The following ANKRD44 variants were observed in gnomAD, a reference collection of about 807,000 sequenced individuals.
ANKRD44 encodes ankyrin repeat domain 44.
Under a neutral mutation model 116.0 loss-of-function variants are expected in ANKRD44, and 35 were observed. The ratio of observed to expected loss-of-function variants is 0.30; its 90% CI spans 0.23 to 0.40. ANKRD44 has a LOEUF of 0.40. Among genes scored for constraint, ANKRD44 ranks in the 10% least tolerant of loss-of-function variants. The pLI is 1.00. For synonymous variants in ANKRD44, 435 were observed against 461.8 expected, an observed-to-expected ratio of 0.94 and a Z score of 0.74; for missense variants, 1,014 against 1,242.6, an observed-to-expected ratio of 0.82 and a Z score of 2.77.
Position 197,258,953 on chromosome 2 carries a change from T to G in ANKRD44, c.27+51625A>C, listed in dbSNP as rs2082527428. 2.0e-5 allele frequency among the ~76,000 whole-genome samples: 3 copies of G among 152,330 alleles called. No individual in the cohort carries two copies. The South Asian group carries it at 6.2e-4, about 32-fold the overall frequency. On this transcript the variant is annotated intron_variant, in intron 1 of 27. Transcript: ENST00000282272. ...TTGCTCTGAGTAGATATTCATGAAG[T>G]GCTCTGGGAGTTCTGAAGAACTTCC...
intron 16 of ANKRD44, among the ~76,000 whole-genome samples, chr2:197,041,662 C>T (rs545527492): frequency 6.6e-6 from 1 of 151,996 alleles, no homozygotes; most frequent in Non-Finnish European, 1.5e-5. Flanking sequence ...CTTTTTCTGG[C>T]CTCCTTCCTG....
intron 18 of ANKRD44, among the ~76,000 whole-genome samples, chr2:197,012,001 T>C (rs1237947677): frequency 6.6e-6 from 1 of 152,238 alleles, no homozygotes; most frequent in Non-Finnish European, 1.5e-5. Context: ...TCCAACTATC[T>C]GTGCCAAAAC....
intron 22 of ANKRD44, among the ~76,000 whole-genome samples, chr2:197,001,507 C>T (rs1193149011): frequency 1.3e-5 from 2 of 152,210 alleles, no homozygotes; most frequent in African/African-American, 2.4e-5. Flanking sequence ...ATGCACCTCT[C>T]ACTCTACCCC....
chr2:197,294,256 A>C (rs1036595169), intron 1 of ANKRD44, among the ~76,000 whole-genome samples: 10 of 152,230 alleles, frequency 6.6e-5, no homozygotes, highest in African/African-American at 2.2e-4. Context: ...AAGTTTCTTT[A>C]GTCTTAATTC....
chr2:197,052,285 A>G (rs753479215), intron 16 of ANKRD44, among the ~76,000 whole-genome samples: 1 of 152,238 alleles, frequency 6.6e-6, no homozygotes, highest in Non-Finnish European at 1.5e-5. Flanking sequence ...TAACCAAACC[A>G]TCTAAATAAC....
intron 1 of ANKRD44, among the ~76,000 whole-genome samples, chr2:197,258,966 C>T (rs2082527613): frequency 6.6e-6 from 1 of 152,146 alleles, no homozygotes; most frequent in Admixed American, 6.5e-5. Flanking sequence ...TCTGGGAGTT[C>T]TGAAGAACTT....
intron 17 of ANKRD44, among the ~76,000 whole-genome samples, chr2:197,020,954 C>A (rs983877785): frequency 6.6e-6 from 1 of 152,090 alleles, no homozygotes; most frequent in Non-Finnish European, 1.5e-5. Context: ...CTCCCTCCCC[C>A]CATCCCACGA....
At chr2:197,292,735 T>A (rs775648187) in intron 1 of ANKRD44, among the ~76,000 whole-genome samples, 6 of 152,148 alleles carry the variant, frequency 3.9e-5, no homozygotes, top group Non-Finnish European at 7.3e-5. Flanking sequence ...AGCATGGCCA[T>A]CCTCTCAGTC....
At chr2:197,001,522 C>T (rs889447465) in intron 22 of ANKRD44, among the ~76,000 whole-genome samples, 7 of 152,194 alleles carry the variant, frequency 4.6e-5, no homozygotes, top group Non-Finnish European at 5.9e-5. Context: ...TACCCCTTCA[C>T]GAGATTTCCC....
intron 1 of ANKRD44, among the ~76,000 whole-genome samples, chr2:197,223,249 C>A (rs1464398878): frequency 6.6e-6 from 1 of 152,204 alleles, no homozygotes; most frequent in East Asian, 1.9e-4. Flanking sequence ...GCCCTGGCCC[C>A]ATTACCTACC....
At chr2:197,154,609 T>G (rs1352155937) in intron 2 of ANKRD44, among the ~76,000 whole-genome samples, 1 of 152,210 alleles carries the variant, frequency 6.6e-6, no homozygotes, top group Non-Finnish European at 1.5e-5. Flanking sequence ...TCCTTGTGTG[T>G]GGAGTTTTTT....
chr2:196,986,757 A>G lies in ANKRD44; in HGVS notation c.*2834T>C. The G allele has an allele frequency of 1.0e-6, 1 of 983,552 alleles. No homozygotes were observed. Among genetic ancestry groups the G allele is most frequent in the Non-Finnish European group, 1.2e-6 (1 of 828,196 alleles). The allele number at this position is 983,552 out of a possible 1,614,324, so 60.9% of individuals were successfully genotyped here. On this transcript the variant is annotated 3_prime_UTR_variant, in exon 28 of 28. Transcript: ENST00000282272. ...GTTAAGTACTTCATTACGTTATTAG[A>G]GCATTCAGTAGTTGCAAAAGTATTA...
chr2:197,149,878 G>A (rs1188839301), intron 2 of ANKRD44, among the ~76,000 whole-genome samples: 2 of 152,046 alleles, frequency 1.3e-5, no homozygotes, highest in Admixed American at 6.5e-5. Context: ...CTAAACTAAT[G>A]GAATAGGAGA....
chr2:197,022,174 C>T (rs1205385872), intron 17 of ANKRD44, among the ~76,000 whole-genome samples: 2 of 152,150 alleles, frequency 1.3e-5, no homozygotes, highest in Non-Finnish European at 2.9e-5. Flanking sequence ...AAGTTAATTG[C>T]TACTGAGGCC....
chr2:197,023,542 A>G (rs1480751382), intron 17 of ANKRD44, among the ~76,000 whole-genome samples: 1 of 152,146 alleles, frequency 6.6e-6, no homozygotes, highest in African/African-American at 2.4e-5. Context: ...TTAGCAGAGT[A>G]CACAATAAGC....
intron 1 of ANKRD44, among the ~76,000 whole-genome samples, chr2:197,269,222 T>C (rs1345303587): frequency 2.0e-5 from 3 of 152,216 alleles, no homozygotes; most frequent in Admixed American, 6.5e-5. Context: ...ATTTTATCCC[T>C]GCCCTGTTCC....
At chr2:197,175,104 G>A (rs1440280492) in intron 2 of ANKRD44, among the ~76,000 whole-genome samples, 1 of 152,066 alleles carries the variant, frequency 6.6e-6, no homozygotes. Flanking sequence ...TTTTTTAAAC[G>A]CACTGTCTAT....
chr2:197,200,768 T>G (rs2081075558), intron 1 of ANKRD44, among the ~76,000 whole-genome samples: 1 of 152,188 alleles, frequency 6.6e-6, no homozygotes, highest in Non-Finnish European at 1.5e-5. Flanking sequence ...ATGAAGTGAC[T>G]GGAATTTAGC....
chr2:197,277,179 G>A (rs1337261212), intron 1 of ANKRD44, among the ~76,000 whole-genome samples: 1 of 151,670 alleles, frequency 6.6e-6, no homozygotes. Flanking sequence ...GGCCCACCTC[G>A]GCCTCCCAAA....
Sources: allele counts gnomAD v4.1 joint callset (sites outside exome capture counted in the v4.1 genomes callset), GRCh38; gene constraint gnomAD v4.1.1; transcripts MANE v1.5; gene names NCBI Gene and HGNC (gene_info 2026-07-23, HGNC 2026-07-21).